The following IFNLR1 variants were observed in gnomAD, a reference collection of about 807,000 sequenced individuals.
IFNLR1 encodes the protein interferon lambda receptor 1, also known as CRF2-12.
Under a neutral mutation model 52.5 loss-of-function variants are expected in IFNLR1, and 28 were observed. The observed-to-expected ratio is 0.53, with a 90% CI of 0.40 to 0.73. IFNLR1 has a LOEUF of 0.73. Among genes scored for constraint, IFNLR1 ranks in the 30% least tolerant of loss-of-function variants. The pLI is 0.00. For missense variants in IFNLR1, 623 were observed against 659.1 expected, an observed-to-expected ratio of 0.95 and a Z score of 0.60; for synonymous variants, 276 against 274.9, an observed-to-expected ratio of 1.00 and a Z score of -0.04.
chr1:24,180,517 G>C (rs1226886002), intron 2 of IFNLR1, among the ~76,000 whole-genome samples: 10 of 151,996 alleles, frequency 6.6e-5, no homozygotes, highest in African/African-American at 2.2e-4. Flanking sequence ...CGGCAGACTG[G>C]TCACCTGTAC....
At chr1:24,173,184 T>C (rs1644599783) in intron 2 of IFNLR1, among the ~76,000 whole-genome samples, 1 of 145,762 alleles carries the variant, frequency 6.9e-6, no homozygotes, top group Admixed American at 6.8e-5. Flanking sequence ...GGCCAGCCAC[T>C]GGGGAAAAAA....
intron 3 of IFNLR1, among the ~76,000 whole-genome samples, chr1:24,162,738 TTC>T (rs1557643759): frequency 0.042 from 1,105 of 26,468 alleles, 51 homozygotes; most frequent in South Asian, 0.12. Flanking sequence ...CTTTCTTTCT[TTC>T]TTTCTTTCTT....
chr1:24,184,553 G>T (rs556228318), intron 1 of IFNLR1, among the ~76,000 whole-genome samples: 1 of 141,316 alleles, frequency 7.1e-6, no homozygotes, highest in Non-Finnish European at 1.5e-5. Flanking sequence ...CTTCCTGCTC[G>T]ATGTTGCCAA....
intron 4 of IFNLR1, 104 bp from the exon 5 acceptor site, chr1:24,159,737 G>T (rs10903037): frequency 0.18 from 72,186 of 404,018 alleles, 34 homozygotes; most frequent in South Asian, 0.21. Flanking sequence ...TTTTTTTTTT[G>T]TTTTTTTTTT....
Position 24,159,618 on chromosome 1 carries a change from T to C in IFNLR1, c.526A>G (p.Thr176Ala), listed in dbSNP as rs1463687924. Residue 176 changes from threonine (T) to alanine (A), a missense_variant, in exon 5 of 7, where the codon ACT (threonine) becomes GCT (alanine). Transcript: ENST00000327535. Reference protein sequence around the residue: ...GAGNKTLFPVTPHGQPVQITL... With the variant: ...GAGNKTLFPVAPHGQPVQITL... ...ATCTGGACTGGCTGGCCATGGGGAG[T>C]GACTGGAAATAGGGTCTGTTTGGAA... 7 of 1,613,340 alleles carry C rather than the reference T, an allele frequency of 4.3e-6. No homozygotes were observed. Among genetic ancestry groups the C allele is most frequent in the Non-Finnish European group, 5.9e-6 (7 of 1,179,854 alleles).
In IFNLR1 at chr1:24,157,194, C is replaced by A; in HGVS notation, c.1499G>T (p.Gly500Val). 1 of 1,614,142 alleles carries A rather than the reference C, an allele frequency of 6.2e-7. No homozygotes were observed. Among genetic ancestry groups the A allele is most frequent in the Non-Finnish European group, 8.5e-7 (1 of 1,180,012 alleles). Reference sequence around the variant, plus strand: ...CTCGGTCCTCTGGGTGCTCTCAGCCCCCCAGCTGCCCGCATCGCTGTCCTC... The same window carrying A: ...CTCGGTCCTCTGGGTGCTCTCAGCCACCCAGCTGCCCGCATCGCTGTCCTC... ...EIEDSDAGSW[G>V]AESTQRTEDR... Residue 500 changes from glycine (G) to valine (V), a missense_variant, in exon 7 of 7, where the codon GGG (glycine) becomes GTG (valine). Physicochemically the swap from Gly to Val is moderately radical, Grantham distance 109. Coordinates refer to ENST00000327535, the MANE Select transcript of IFNLR1 (RefSeq NM_170743.4). This position sits in a 1 kb window ranked among gnomAD's most constrained non-coding sequence, Gnocchi z 5.1.
chr1:24,162,819 CTTCTTTCTTTCTTTTCTTTCT>C (rs202213748), intron 3 of IFNLR1, among the ~76,000 whole-genome samples: 9 of 43,942 alleles, frequency 2.0e-4, no homozygotes, highest in African/African-American at 3.3e-4. Flanking sequence ...TTCTTTTTTT[CTTCTTTCTTTCTTTTCTTTCT>C]TTCTTTCTTT....
intron 1 of IFNLR1, among the ~76,000 whole-genome samples, chr1:24,184,317 A>G (rs925571050): frequency 2.0e-5 from 3 of 152,086 alleles, no homozygotes; most frequent in African/African-American, 7.2e-5. Context: ...ACTGACCTCT[A>G]TTCCCCTCTG....
At chr1:24,186,690 A>C (rs375520493) in intron 1 of IFNLR1, among the ~76,000 whole-genome samples, 5 of 149,888 alleles carry the variant, frequency 3.3e-5, no homozygotes, top group African/African-American at 5.0e-5. Flanking sequence ...AACAACAACA[A>C]AACAACAACA....
intron 1 of IFNLR1, among the ~76,000 whole-genome samples, chr1:24,182,095 G>A (rs1388283563): frequency 6.6e-6 from 1 of 151,992 alleles, no homozygotes; most frequent in South Asian, 2.1e-4. Flanking sequence ...AGCTACCTGG[G>A]AGGCTGAGGC....
intron 3 of IFNLR1, among the ~76,000 whole-genome samples, chr1:24,164,665 T>C (rs575528811): frequency 6.6e-6 from 1 of 152,356 alleles, no homozygotes; most frequent in Non-Finnish European, 1.5e-5. Flanking sequence ...AAGAGCCTTT[T>C]GAGCGACTGA....
intron 2 of IFNLR1, 124 bp from the exon 3 acceptor site, chr1:24,169,725 C>A: frequency 1.0e-6 from 1 of 967,286 alleles, no homozygotes; most frequent in Non-Finnish European, 1.5e-6. Context: ...TCCGTCCAGA[C>A]AGGCAGCCAC....
At chr1:24,179,186 C>A (rs932810919) in intron 2 of IFNLR1, among the ~76,000 whole-genome samples, 8 of 152,060 alleles carry the variant, frequency 5.3e-5, no homozygotes, top group Non-Finnish European at 1.0e-4. Flanking sequence ...TGGACTCAAG[C>A]AATCTCCCCA....
chr1:24,181,721 C>T lies in IFNLR1; in HGVS notation c.59-867G>A, dbSNP rs551420386. Among the ~76,000 whole-genome samples the T allele has an allele frequency of 2.6e-5, 4 of 152,240 alleles. No homozygotes were observed. In the South Asian group the frequency reaches 8.3e-4, roughly 32 times the overall value. On this transcript the variant is annotated intron_variant, in intron 1 of 6. Transcript: ENST00000327535. ...CTCAGGAACCCAGGCCCAGCCCAGG[C>T]CTGGTTTTCCCTGGGTTGCTGGGAA...
rs1448286883 is a variant in IFNLR1 at position 24,157,943 on chromosome 1, T to A, written c.802-52A>T. ...AGAAAATTTAGGCTTTCCTGAAGCA[T>A]AATTATCATCATCTGAATTCCCCTA... On this transcript the variant is annotated intron_variant, in intron 6 of 6. Coordinates refer to ENST00000327535, the MANE Select transcript of IFNLR1 (RefSeq NM_170743.4). The surrounding 1 kb of genome is among the most constrained non-coding windows in gnomAD (Gnocchi z 5.1). 6.8e-7 allele frequency: 1 copy of A among 1,472,366 alleles called. No homozygotes were observed. The highest frequency in any genetic ancestry group is 9.1e-7 in the Non-Finnish European group (1 of 1,101,294). 91.2% of individuals were successfully genotyped at this position (1,472,366 alleles called of 1,614,324 possible). A position where few individuals can be genotyped will look rare whatever the true frequency, so the allele number is the denominator to read the frequency against.
intron 1 of IFNLR1, 81 bp downstream of exon 1, chr1:24,187,109 CA>C: frequency 1.1e-6 from 1 of 948,530 alleles, no homozygotes; most frequent in Non-Finnish European, 1.5e-6. Context: ...GTGCCTGTCC[CA>C]GGAGCTCCGG....
At position 24,187,192 on chromosome 1, in the gene IFNLR1, T is replaced by C; in HGVS notation, c.57A>G (p.Pro19=). ...PLLLCLLQAA[P]GRPRLAPPQN... ...CCTCCCGCGGCCCCGCGCCCTTACC[T>C]GGAGCGGCCTGCAGCAGGCACAGGA... Residue 19 remains proline, a splice_region_variant and synonymous_variant, in exon 1 of 7, where the codon CCA becomes CCG. Coordinates refer to ENST00000327535, the MANE Select transcript of IFNLR1 (RefSeq NM_170743.4). 7.4e-7 allele frequency: 1 copy of C among 1,354,242 alleles called. No homozygotes were observed. The highest frequency in any genetic ancestry group is 9.5e-7 in the Non-Finnish European group (1 of 1,052,864). The allele number at this position is 1,354,242 out of a possible 1,614,324, so 83.9% of individuals were successfully genotyped here. A position where few individuals can be genotyped will look rare whatever the true frequency, so the allele number is the denominator to read the frequency against.
chr1:24,159,279 C>T, intron 5 of IFNLR1, 97 bp from the exon 6 acceptor site: 1 of 1,461,568 alleles, frequency 6.8e-7, no homozygotes, highest in South Asian at 1.3e-5. Context: ...CTATTTAATC[C>T]TCACAAGAAT....
intron 3 of IFNLR1, among the ~76,000 whole-genome samples, chr1:24,166,636 T>C (rs1177609195): frequency 2.0e-5 from 3 of 152,130 alleles, no homozygotes; most frequent in African/African-American, 7.2e-5. Flanking sequence ...AGCCTTGACC[T>C]CCTGGGCTCA....
Sources: allele counts gnomAD v4.1 joint callset (sites outside exome capture counted in the v4.1 genomes callset), GRCh38; gene constraint gnomAD v4.1.1; non-coding constraint Gnocchi (gnomAD v3.1); transcripts MANE v1.5; gene names NCBI Gene and HGNC (gene_info 2026-07-23, HGNC 2026-07-21).